Variants in SEMA3E observed in about 807,000 individuals in gnomAD.
SEMA3E encodes the protein semaphorin 3E, also known as semaphorin-3E.
Under a neutral mutation model 93.6 loss-of-function variants are expected in SEMA3E, and 49 were observed. That is an observed-to-expected ratio of 0.52 (90% CI 0.42 to 0.66). SEMA3E has a LOEUF of 0.66. Ranked by LOEUF, SEMA3E falls within the 30% of genes least tolerant of loss-of-function variation. The pLI is 0.00. For missense variants in SEMA3E, 906 were observed against 964.8 expected, an observed-to-expected ratio of 0.94 and a Z score of 0.81; for synonymous variants, 363 against 330.7, an observed-to-expected ratio of 1.10 and a Z score of -1.06.
At chr7:83,533,846 T>G (rs35454697) in intron 1 of SEMA3E, among the ~76,000 whole-genome samples, 82,048 of 151,980 alleles carry the variant, frequency 0.54, 24,102 homozygotes, top group Middle Eastern at 0.71. Context: ...CACAGCTGAC[T>G]GGGAAGGTCC....
chr7:83,481,723 T>G (rs542672227), intron 2 of SEMA3E, among the ~76,000 whole-genome samples: 1 of 152,244 alleles, frequency 6.6e-6, no homozygotes, highest in Admixed American at 6.5e-5. Context: ...GTCTGGGAAA[T>G]GCAGTGAGTT....
At chr7:83,620,881 C>A (rs1167356108) in intron 1 of SEMA3E, among the ~76,000 whole-genome samples, 1 of 152,044 alleles carries the variant, frequency 6.6e-6, no homozygotes, top group Non-Finnish European at 1.5e-5. Context: ...AGCCCACAAC[C>A]AATATCATAT....
intron 16 of SEMA3E, among the ~76,000 whole-genome samples, chr7:83,379,777 A>G (rs1787742056): frequency 6.6e-6 from 1 of 151,910 alleles, no homozygotes; most frequent in South Asian, 2.1e-4. Context: ...TCAATTTTTT[A>G]AATCTGTAAA....
At chr7:83,425,968 A>T (rs10254915) in intron 4 of SEMA3E, among the ~76,000 whole-genome samples, 5,906 of 152,206 alleles carry the variant, frequency 0.039, 360 homozygotes, top group African/African-American at 0.13. Context: ...AACCATATGA[A>T]AAAAAGCTCC....
chr7:83,407,285 C>T (rs755153232), intron 6 of SEMA3E, 46 bp from the exon 7 acceptor site: 1 of 1,502,412 alleles, frequency 6.7e-7, no homozygotes, highest in East Asian at 2.3e-5. Flanking sequence ...GATATTACAA[C>T]TAAATGCTAA....
At chr7:83,585,061 A>C (rs1792595618) in intron 1 of SEMA3E, among the ~76,000 whole-genome samples, 1 of 152,174 alleles carries the variant, frequency 6.6e-6, no homozygotes, top group South Asian at 2.1e-4. Flanking sequence ...CTTTGAAGAC[A>C]CTAAGCATTC....
chr7:83,586,477 C>T (rs1053416009), intron 1 of SEMA3E, among the ~76,000 whole-genome samples: 2 of 151,840 alleles, frequency 1.3e-5, no homozygotes, highest in African/African-American at 4.8e-5. Flanking sequence ...ATGTGCATAG[C>T]TTTCATCAGA....
chr7:83,628,994 T>C (rs1793730078), intron 1 of SEMA3E, among the ~76,000 whole-genome samples: 1 of 152,120 alleles, frequency 6.6e-6, no homozygotes, highest in Non-Finnish European at 1.5e-5. Flanking sequence ...TCAGTTGATG[T>C]TGATGCTATT....
intron 7 of SEMA3E, among the ~76,000 whole-genome samples, chr7:83,406,869 T>A (rs1025982614): frequency 6.6e-6 from 1 of 152,166 alleles, no homozygotes; most frequent in African/African-American, 2.4e-5. Flanking sequence ...ATAGACGATT[T>A]CTTCTTGGTA....
intron 4 of SEMA3E, among the ~76,000 whole-genome samples, chr7:83,440,176 CTG>C (rs1467204371): frequency 2.6e-5 from 4 of 152,230 alleles, no homozygotes; most frequent in Non-Finnish European, 4.4e-5. Context: ...AGGGTAGAAA[CTG>C]TGTTTTCTGG....
At chr7:83,609,767 TTTC>T (rs752329297) in intron 1 of SEMA3E, among the ~76,000 whole-genome samples, 5 of 151,992 alleles carry the variant, frequency 3.3e-5, no homozygotes, top group Non-Finnish European at 7.4e-5. Context: ...TGTTTATCAC[TTTC>T]TTATCTGAAA....
intron 1 of SEMA3E, among the ~76,000 whole-genome samples, chr7:83,543,625 A>C (rs1339279496): frequency 1.3e-5 from 2 of 152,126 alleles, no homozygotes; most frequent in African/African-American, 2.4e-5. Flanking sequence ...AAGCTAAGAC[A>C]GCTCTATTGT....
At chr7:83,460,797 C>T (rs911693241) in intron 4 of SEMA3E, among the ~76,000 whole-genome samples, 5 of 151,090 alleles carry the variant, frequency 3.3e-5, no homozygotes, top group East Asian at 2.0e-4. Context: ...CTTATTTCCG[C>T]ACCCCGACCT....
intron 1 of SEMA3E, among the ~76,000 whole-genome samples, chr7:83,521,059 G>A (rs996819025): frequency 2.4e-4 from 13 of 54,940 alleles, no homozygotes; most frequent in Admixed American, 8.9e-4. Flanking sequence ...TTTGGTCCCT[G>A]TTCGAGAAGG....
chr7:83,433,609 A>C lies in SEMA3E; in HGVS notation c.457-15126T>G, dbSNP rs11980476. ...AAAAATATCTATTCCATAAAAATAT[A>C]TCTCTAAATACTTGTTGAAATATTA... is the stretch of plus-strand genomic sequence containing the variant. On this transcript the variant is annotated intron_variant, in intron 4 of 16. Coordinates refer to ENST00000643230, the MANE Select transcript of SEMA3E (RefSeq NM_012431.3). Among the ~76,000 whole-genome samples, 754 of 152,262 alleles carry C rather than the reference A, an allele frequency of 5.0e-3. 7 individuals are homozygous for C. Among genetic ancestry groups the C allele is most frequent in the African/African-American group, 0.017 (707 of 41,582 alleles).
chr7:83,584,971 A>G (rs1051185692), intron 1 of SEMA3E, among the ~76,000 whole-genome samples: 1 of 152,052 alleles, frequency 6.6e-6, no homozygotes, highest in Non-Finnish European at 1.5e-5. Flanking sequence ...CTCACTCCTT[A>G]CCGTGAGCAA....
intron 1 of SEMA3E, among the ~76,000 whole-genome samples, chr7:83,593,346 G>A (rs1792800475): frequency 6.9e-6 from 1 of 145,068 alleles, no homozygotes; most frequent in South Asian, 2.2e-4. Flanking sequence ...TGGGGAGGGG[G>A]AAAGAGTTTT....
chr7:83,450,254 A>AT (rs1339453057), intron 4 of SEMA3E, among the ~76,000 whole-genome samples: 1 of 152,212 alleles, frequency 6.6e-6, no homozygotes, highest in African/African-American at 2.4e-5. Context: ...TGGCACAGCA[A>AT]TTCCACTACT....
intron 16 of SEMA3E, among the ~76,000 whole-genome samples, chr7:83,370,409 A>G (rs1182303469): frequency 6.6e-6 from 1 of 152,092 alleles, no homozygotes; most frequent in Non-Finnish European, 1.5e-5. Flanking sequence ...ATTATATGCT[A>G]TCACAAATTC....
Sources: gnomAD v4.1 joint callset for allele counts (sites outside exome capture counted in the v4.1 genomes callset) on GRCh38, gnomAD v4.1.1 for gene constraint, MANE v1.5 for transcripts, NCBI Gene and HGNC (gene_info 2026-07-23, HGNC 2026-07-21) for gene names.